TECRL: variants seen among roughly 807,000 people sequenced by gnomAD.
The protein encoded by TECRL is trans-2,3-enoyl-CoA reductase-like.
A neutral mutation model predicts 52.8 loss-of-function variants in TECRL; 63 were observed. That is an observed-to-expected ratio of 1.19 (90% CI 0.97 to 1.47). TECRL has a LOEUF of 1.47. TECRL is among the 40% of genes most tolerant of loss of function. The probability of loss-of-function intolerance (pLI) is 0.00; values close to 1 mark genes in which losing one functional copy is unlikely to be tolerated. For synonymous variants in TECRL, 164 were observed against 141.9 expected, an observed-to-expected ratio of 1.16 and a Z score of -1.10; for missense variants, 482 against 429.6, an observed-to-expected ratio of 1.12 and a Z score of -1.08.
intron 1 of TECRL, among the ~76,000 whole-genome samples, chr4:64,389,577 CT>C (rs1723410938): frequency 6.6e-6 from 1 of 151,708 alleles, no homozygotes. Flanking sequence ...TTGTGATTTA[CT>C]TTTTTTATAA....
chr4:64,398,474 C>A (rs1463238929), intron 1 of TECRL, among the ~76,000 whole-genome samples: 2 of 152,136 alleles, frequency 1.3e-5, no homozygotes, highest in Non-Finnish European at 2.9e-5. Context: ...CACATCTCTT[C>A]TCTCTGTCTC....
rs188728968 is a variant in TECRL at position 64,391,210 on chromosome 4, A to G, written c.235-15987T>C. On this transcript the variant is annotated intron_variant, in intron 1 of 11. Coordinates refer to ENST00000381210, the MANE Select transcript of TECRL (RefSeq NM_001010874.5). The stretch of plus-strand genomic sequence containing the variant: ...TAAAAAAAGTTTGATGATTATATGA[A>G]CCATGACGGTTCAACACATAATTGA... Among the ~76,000 whole-genome samples the G allele has an allele frequency of 2.6e-5, 4 of 151,982 alleles. No homozygotes were observed. In the East Asian group the frequency reaches 7.7e-4, roughly 29 times the overall value.
At chr4:64,355,652 A>T (rs1349160760) in intron 2 of TECRL, among the ~76,000 whole-genome samples, 1 of 151,770 alleles carries the variant, frequency 6.6e-6, no homozygotes, top group Non-Finnish European at 1.5e-5. Context: ...CAAAAAAAAA[A>T]TTAGCCGGGC....
intron 2 of TECRL, among the ~76,000 whole-genome samples, chr4:64,372,039 G>T (rs765664630): frequency 1.8e-4 from 28 of 151,742 alleles, no homozygotes; most frequent in Admixed American, 5.9e-4. Context: ...GTGTCACTGG[G>T]ACTAATAATT....
chr4:64,350,217 A>T (rs1040414761), intron 2 of TECRL, among the ~76,000 whole-genome samples: 3 of 152,196 alleles, frequency 2.0e-5, no homozygotes, highest in African/African-American at 7.2e-5. Flanking sequence ...ATTGTCATTG[A>T]TTTATTTTCT....
intron 8 of TECRL, 62 bp downstream of exon 8, chr4:64,299,912 C>G: frequency 3.4e-6 from 3 of 894,500 alleles, no homozygotes; most frequent in Non-Finnish European, 3.4e-6. Context: ...CAGATACAGT[C>G]TGTTTTTCTT....
intron 4 of TECRL, among the ~76,000 whole-genome samples, chr4:64,320,947 C>T (rs1421492100): frequency 6.6e-6 from 1 of 152,004 alleles, no homozygotes; most frequent in Non-Finnish European, 1.5e-5. Context: ...TACTCAAAAG[C>T]TCAATATACT....
intron 2 of TECRL, among the ~76,000 whole-genome samples, chr4:64,363,893 C>T (rs1272269297): frequency 6.6e-6 from 1 of 152,098 alleles, no homozygotes; most frequent in East Asian, 1.9e-4. Context: ...TGAAGAGGAA[C>T]CTCTACTTTA....
chr4:64,336,360 C>A (rs531018634), intron 2 of TECRL, among the ~76,000 whole-genome samples: 48 of 152,142 alleles, frequency 3.2e-4, no homozygotes, highest in African/African-American at 1.1e-3. Flanking sequence ...GTGGTGATAT[C>A]CCCTTTATCA....
chr4:64,317,661 GT>G lies in TECRL; in HGVS notation c.436-2899del, dbSNP rs547038279. Among the ~76,000 whole-genome samples the G allele has an allele frequency of 4.1e-4, 63 of 152,110 alleles. No homozygotes were observed. In the East Asian group the frequency reaches 9.5e-3, roughly 23 times the overall value. ...AGTATCCTGCTAGATAAAGATTGTG[GT>G]TTTTTTGTAGTTTGACAGATAAATA... is the stretch of plus-strand genomic sequence containing the variant. On this transcript the variant is annotated intron_variant, in intron 4 of 11. Coordinates refer to ENST00000381210, the MANE Select transcript of TECRL (RefSeq NM_001010874.5).
chr4:64,286,451 A>G (rs1245152380), intron 9 of TECRL, among the ~76,000 whole-genome samples: 1 of 152,054 alleles, frequency 6.6e-6, no homozygotes, highest in Admixed American at 6.6e-5. Flanking sequence ...AAGAAGGAAC[A>G]TAGGTACAGT....
At chr4:64,403,701 T>C (rs999352568) in intron 1 of TECRL, among the ~76,000 whole-genome samples, 33 of 151,692 alleles carry the variant, frequency 2.2e-4, no homozygotes, top group African/African-American at 4.8e-5. Flanking sequence ...ATAGAAGACT[T>C]TCTGAATTCA....
At chr4:64,335,532 G>A (rs935170139) in intron 2 of TECRL, among the ~76,000 whole-genome samples, 9 of 152,084 alleles carry the variant, frequency 5.9e-5, no homozygotes, top group South Asian at 2.1e-4. Flanking sequence ...TTGAATCACC[G>A]TGAAACCACT....
intron 2 of TECRL, among the ~76,000 whole-genome samples, chr4:64,346,783 A>G (rs2109554689): frequency 6.6e-6 from 1 of 152,308 alleles, no homozygotes; most frequent in East Asian, 1.9e-4. Flanking sequence ...CCTGAACATG[A>G]GTGGCCTGGT....
chr4:64,289,184 C>T (rs1405906962), intron 9 of TECRL, among the ~76,000 whole-genome samples: 1 of 152,132 alleles, frequency 6.6e-6, no homozygotes, highest in African/African-American at 2.4e-5. Flanking sequence ...ATTTAAAATT[C>T]ATAGTTCAAA....
At chr4:64,301,655 T>C (rs1433799020) in intron 7 of TECRL, among the ~76,000 whole-genome samples, 1 of 151,234 alleles carries the variant, frequency 6.6e-6, no homozygotes, top group Non-Finnish European at 1.5e-5. Flanking sequence ...AAGGATATCT[T>C]GTAATCTGGG....
chr4:64,308,068 C>T (rs1230586560), intron 6 of TECRL, among the ~76,000 whole-genome samples: 1 of 152,110 alleles, frequency 6.6e-6, no homozygotes, highest in Non-Finnish European at 1.5e-5. Context: ...GAGCAGTTAT[C>T]TCCCCGTTCC....
intron 8 of TECRL, among the ~76,000 whole-genome samples, chr4:64,297,283 C>T (rs942398628): frequency 3.3e-5 from 5 of 151,340 alleles, no homozygotes; most frequent in Admixed American, 1.3e-4. Context: ...CTCTATTCAA[C>T]ATGGTTCTTC....
intron 7 of TECRL, among the ~76,000 whole-genome samples, chr4:64,300,450 A>G (rs2109974796): frequency 6.6e-6 from 1 of 150,840 alleles, no homozygotes; most frequent in Non-Finnish European, 1.5e-5. Context: ...TAAGTATTTT[A>G]TATTTTTATT....
Sources: allele counts gnomAD v4.1 joint callset (sites outside exome capture counted in the v4.1 genomes callset), GRCh38; gene constraint gnomAD v4.1.1; transcripts MANE v1.5; gene names NCBI Gene and HGNC (gene_info 2026-07-23, HGNC 2026-07-21).